The following TTLL11 variants were observed in gnomAD, a reference collection of about 807,000 sequenced individuals.
The protein encoded by TTLL11 is tubulin polyglutamylase TTLL11.
Under a neutral mutation model 51.7 loss-of-function variants are expected in TTLL11, and 42 were observed. The observed-to-expected ratio is 0.81, with a 90% CI of 0.64 to 1.05. TTLL11 has a LOEUF of 1.05. Among genes scored for constraint, TTLL11 ranks in the 50% least tolerant of loss-of-function variants. The probability of loss-of-function intolerance (pLI) is 0.00; values close to 1 mark genes in which losing one functional copy is unlikely to be tolerated. For missense variants in TTLL11, 799 were observed against 940.4 expected (o/e 0.85, Z 1.97); for synonymous variants, 381 against 383.5 (o/e 0.99, Z 0.08).
chr9:122,015,168 G>A (rs529759558), intron 3 of TTLL11, among the ~76,000 whole-genome samples: 1 of 152,296 alleles, frequency 6.6e-6, no homozygotes, highest in Admixed American at 6.5e-5. Flanking sequence ...CATTTGGGCT[G>A]TTTAAAAGGA....
intron 3 of TTLL11, among the ~76,000 whole-genome samples, chr9:121,990,728 T>C (rs1843087780): frequency 1.3e-5 from 2 of 152,210 alleles, no homozygotes; most frequent in Admixed American, 6.5e-5. Flanking sequence ...CTAAAGTTCA[T>C]CTGGTAGACC....
chr9:121,968,640 T>G (rs1842474571), intron 6 of TTLL11, among the ~76,000 whole-genome samples: 2 of 152,266 alleles, frequency 1.3e-5, no homozygotes, highest in East Asian at 3.9e-4. Flanking sequence ...CACTGCAACC[T>G]CTGCCTCCCG....
At chr9:121,839,236 G>A (rs1034430577) in intron 8 of TTLL11, among the ~76,000 whole-genome samples, 14 of 152,218 alleles carry the variant, frequency 9.2e-5, no homozygotes, top group African/African-American at 1.4e-4. Context: ...CTCGGCCACC[G>A]GATGTCAGCA....
intron 1 of TTLL11, among the ~76,000 whole-genome samples, chr9:122,056,550 T>C (rs1242725510): frequency 1.3e-5 from 2 of 152,192 alleles, no homozygotes; most frequent in Non-Finnish European, 2.9e-5. Context: ...ATTAAATCCT[T>C]AGGCCCCATG....
At chr9:121,997,297 C>G (rs539031668) in intron 3 of TTLL11, among the ~76,000 whole-genome samples, 1 of 152,276 alleles carries the variant, frequency 6.6e-6, no homozygotes, top group South Asian at 2.1e-4. Flanking sequence ...CACACCCTGC[C>G]CCTAACTGCT....
chr9:121,820,547 T>G lies in TTLL11; in HGVS notation c.*2040A>C, dbSNP rs1217985301. Among the ~76,000 whole-genome samples the G allele has an allele frequency of 6.6e-6, 1 of 152,154 alleles. No individual in the cohort carries two copies. The highest frequency in any genetic ancestry group is 1.9e-4 in the East Asian group (1 of 5,178). On this transcript the variant is annotated 3_prime_UTR_variant, in exon 9 of 9. Transcript: ENST00000321582. ...CCCAGGCAGCCCCGAGCGGGGTAGC[T>G]GCAGGGTCTTTACTTGGAGCTGAAT... is the stretch of plus-strand genomic sequence containing the variant.
intron 3 of TTLL11, among the ~76,000 whole-genome samples, chr9:122,027,533 T>A (rs1234443859): frequency 6.6e-6 from 1 of 152,204 alleles, no homozygotes; most frequent in Non-Finnish European, 1.5e-5. Flanking sequence ...TCATATTATA[T>A]CAATGTTAAT....
intron 4 of TTLL11, among the ~76,000 whole-genome samples, chr9:121,975,196 G>A (rs1196463455): frequency 2.0e-5 from 3 of 152,140 alleles, no homozygotes; most frequent in Admixed American, 6.6e-5. Context: ...CCCACAGTGC[G>A]TTTCAGCACT....
At chr9:121,893,312 T>G (rs1839330151) in intron 6 of TTLL11, among the ~76,000 whole-genome samples, 1 of 107,286 alleles carries the variant, frequency 9.3e-6, no homozygotes, top group Non-Finnish European at 2.0e-5. Flanking sequence ...CCAGAATTTC[T>G]TCTCTGTCTG....
At chr9:121,835,388 T>A (rs1837155653) in intron 8 of TTLL11, among the ~76,000 whole-genome samples, 1 of 152,018 alleles carries the variant, frequency 6.6e-6, no homozygotes, top group Non-Finnish European at 1.5e-5. Flanking sequence ...TAAGTGGTGG[T>A]GCTGCTCCCT....
At chr9:122,054,284 G>A (rs1845237312) in intron 1 of TTLL11, among the ~76,000 whole-genome samples, 1 of 151,918 alleles carries the variant, frequency 6.6e-6, no homozygotes, top group African/African-American at 2.4e-5. Context: ...TTTAACAATG[G>A]GGAGGAAAAA....
At chr9:122,041,208 A>G (rs1844837054) in intron 1 of TTLL11, among the ~76,000 whole-genome samples, 1 of 152,194 alleles carries the variant, frequency 6.6e-6, no homozygotes, top group African/African-American at 2.4e-5. Context: ...TATATGCCAG[A>G]CTAGGTGCTA....
intron 8 of TTLL11, among the ~76,000 whole-genome samples, chr9:121,857,252 T>C (rs75319757): frequency 0.11 from 16,561 of 152,224 alleles, 1,411 homozygotes; most frequent in African/African-American, 0.24. Flanking sequence ...AGTTGACTTT[T>C]ATCCTCCCGC....
intron 6 of TTLL11, among the ~76,000 whole-genome samples, chr9:121,887,029 C>G (rs1252418706): frequency 6.6e-6 from 1 of 152,130 alleles, no homozygotes; most frequent in Non-Finnish European, 1.5e-5. Flanking sequence ...TAAGTACTGG[C>G]CCATCTCCAG....
At chr9:121,977,561 C>T (rs917063304) in intron 4 of TTLL11, among the ~76,000 whole-genome samples, 3 of 152,128 alleles carry the variant, frequency 2.0e-5, no homozygotes, top group African/African-American at 7.2e-5. Flanking sequence ...TGACTACAGG[C>T]AAGTTACTTA....
At chr9:122,083,777 T>A (rs1299229664) in intron 1 of TTLL11, among the ~76,000 whole-genome samples, 2 of 151,844 alleles carry the variant, frequency 1.3e-5, no homozygotes, top group Non-Finnish European at 2.9e-5. Context: ...ATCACTGCAC[T>A]CCAGCCTGGC....
chr9:122,010,406 C>CTTTTTTTT (rs1353396126), intron 3 of TTLL11, among the ~76,000 whole-genome samples: 1 of 152,234 alleles, frequency 6.6e-6, no homozygotes, highest in Non-Finnish European at 1.5e-5. Flanking sequence ...GGCTGGCAAA[C>CTTTTTTTT]TTTGGAGCGT....
At chr9:121,913,130 G>A (rs1455673317) in intron 6 of TTLL11, among the ~76,000 whole-genome samples, 5 of 152,148 alleles carry the variant, frequency 3.3e-5, no homozygotes, top group Non-Finnish European at 4.4e-5. Flanking sequence ...GAAGTCTCCC[G>A]ATGATTTCTT....
chr9:121,941,365 T>C (rs1841459835), intron 6 of TTLL11, among the ~76,000 whole-genome samples: 1 of 152,160 alleles, frequency 6.6e-6, no homozygotes, highest in Admixed American at 6.5e-5. Flanking sequence ...CCTCAACTAC[T>C]ATTGACAGGC....
Sources: gnomAD v4.1 joint callset for allele counts (sites outside exome capture counted in the v4.1 genomes callset) on GRCh38, gnomAD v4.1.1 for gene constraint, MANE v1.5 for transcripts, NCBI Gene and HGNC (gene_info 2026-07-23, HGNC 2026-07-21) for gene names.